Variants in STRA6 observed in about 807,000 individuals in gnomAD.
STRA6 encodes receptor for retinol uptake STRA6.
A neutral mutation model predicts 83.6 loss-of-function variants in STRA6; 48 were observed. The ratio of observed to expected loss-of-function variants is 0.57; its 90% confidence interval spans 0.46 to 0.73. STRA6 has a LOEUF of 0.73. STRA6 is among the 30% of genes least tolerant of loss of function. The probability of loss-of-function intolerance (pLI) is 0.00; values close to 1 mark genes in which losing one functional copy is unlikely to be tolerated. For missense variants in STRA6, 760 were observed against 838.8 expected (o/e 0.91, Z 1.16); for synonymous variants, 353 against 362.3 (o/e 0.97, Z 0.29).
At chr15:74,190,741 G>A (rs1158361903) in intron 11 of STRA6, 99 bp downstream of exon 11, 9 of 1,572,636 alleles carry the variant, frequency 5.7e-6, no homozygotes, top group Middle Eastern at 3.9e-4. Context: ...GGTTCTGGAT[G>A]GAGCACCTGG....
At chr15:74,183,457 G>C (rs535397700) in intron 14 of STRA6, 1 of 1,085,208 alleles carries the variant, frequency 9.2e-7, no homozygotes, top group South Asian at 2.1e-5. Flanking sequence ...TGTTGGCCAG[G>C]CTGGTCTTCA....
At chr15:74,208,072 C>G (rs2074303364) in intron 1 of STRA6, 2 of 1,249,582 alleles carry the variant, frequency 1.6e-6, no homozygotes, top group African/African-American at 3.0e-5. Context: ...TTAGACCAGG[C>G]TGTTCTGGTA....
At chr15:74,198,345 A>G (rs1481542032) in intron 2 of STRA6, among the ~76,000 whole-genome samples, 3 of 152,030 alleles carry the variant, frequency 2.0e-5, no homozygotes, top group Non-Finnish European at 4.4e-5. Context: ...TTCTGAGCTC[A>G]AGCAATCCTC....
At chr15:74,207,781 C>T (rs1200923873), upstream of STRA6, 2 of 1,535,688 alleles carry the variant, frequency 1.3e-6, no homozygotes, top group Non-Finnish European at 1.7e-6. Flanking sequence ...TGGGGTGTGC[C>T]CTCAGTGGCA....
At chr15:74,206,513 G>T (rs751484216), upstream of STRA6, among the ~76,000 whole-genome samples, 3 of 152,210 alleles carry the variant, frequency 2.0e-5, no homozygotes, top group African/African-American at 7.2e-5. Flanking sequence ...CAAAGGCCTG[G>T]GCAGCAGAGT....
chr15:74,195,004 G>A, intron 7 of STRA6: 1 of 1,434,044 alleles, frequency 7.0e-7, no homozygotes, highest in South Asian at 1.5e-5. Context: ...CACTAACACA[G>A]GCATTGGGGG....
intron 7 of STRA6, 105 bp from the exon 8 acceptor site, chr15:74,194,027 T>A: frequency 1.3e-6 from 2 of 1,546,104 alleles, no homozygotes; most frequent in Non-Finnish European, 1.8e-6. Flanking sequence ...GAGGGTGGTC[T>A]GGGGGGCCAT....
At chr15:74,181,242 C>T in intron 17 of STRA6, 53 bp downstream of exon 17, 1 of 1,605,814 alleles carries the variant, frequency 6.2e-7, no homozygotes, top group Non-Finnish European at 8.5e-7. Flanking sequence ...CAGATGCCTT[C>T]CTCACTGCTT....
Position 74,195,482 on chromosome 15 carries a change from C to T in STRA6, c.431-14G>A. 1 of 1,612,160 alleles carries T rather than the reference C, an allele frequency of 6.2e-7. No homozygotes were observed. Among genetic ancestry groups the T allele is most frequent in the Non-Finnish European group, 8.5e-7 (1 of 1,179,508 alleles). ...TCTTCCAGGCCCCTGGAAGGTGAAA[C>T]AAGCAGAGAGACCCATGCTGGAGGG... On this transcript the variant is annotated splice_polypyrimidine_tract_variant and intron_variant, in intron 6 of 18. Coordinates refer to ENST00000395105, the MANE Select transcript of STRA6 (RefSeq NM_022369.4).
chr15:74,194,123 A>G (rs1217897233), intron 7 of STRA6, among the ~76,000 whole-genome samples: 1 of 151,694 alleles, frequency 6.6e-6, no homozygotes, highest in Non-Finnish European at 1.5e-5. Flanking sequence ...AGAGATGCTC[A>G]CCCCTCCCCC....
chr15:74,198,769 C>G (rs1236755906), intron 2 of STRA6, among the ~76,000 whole-genome samples: 1 of 152,226 alleles, frequency 6.6e-6, no homozygotes, highest in African/African-American at 2.4e-5. Context: ...ATGCACCTAA[C>G]TGGGGATCCC....
chr15:74,208,858 A>C, exon 1 of STRA6: 1 of 987,862 alleles, frequency 1.0e-6, no homozygotes, highest in Non-Finnish European at 1.2e-6. Context: ...TCCTTTATTG[A>C]TCTCTCCCGG....
rs1023162372 is a variant in STRA6, at chr15:74,202,383, A to C, written c.-15-101T>G. 2.6e-6 allele frequency: 4 copies of C among 1,545,866 alleles called. No individual in the cohort carries two copies. The South Asian group carries it at 4.8e-5, about 19-fold the overall frequency. ...AAAGACGGAAAACCCAAACAAAGAA[A>C]CATTTCTCTTTAATCCTGAAGGTTA... is the stretch of plus-strand genomic sequence containing the variant. On this transcript the variant is annotated intron_variant, in intron 1 of 18. Coordinates refer to ENST00000395105, the MANE Select transcript of STRA6 (RefSeq NM_022369.4).
intron 7 of STRA6, 144 bp downstream of exon 7, chr15:74,195,158 A>G: frequency 6.6e-7 from 1 of 1,520,854 alleles, no homozygotes; most frequent in Non-Finnish European, 8.8e-7. Context: ...TGGAAGGGGC[A>G]CATGTTTGAA....
chr15:74,210,714 G>A (rs1009274250), upstream of STRA6, among the ~76,000 whole-genome samples: 11 of 152,192 alleles, frequency 7.2e-5, no homozygotes, highest in East Asian at 1.9e-4. Flanking sequence ...ATTTGATTCC[G>A]TCCCCAGCCC....
At chr15:74,183,406 C>T (rs192001069) in intron 14 of STRA6, 36 of 627,314 alleles carry the variant, frequency 5.7e-5, no homozygotes, top group East Asian at 2.6e-4. Flanking sequence ...CCACCATACC[C>T]GGCTAATTTT....
At chr15:74,190,759 G>C in intron 11 of STRA6, 81 bp downstream of exon 11, 4 of 1,602,656 alleles carry the variant, frequency 2.5e-6, no homozygotes, top group Non-Finnish European at 3.4e-6. Flanking sequence ...TGGAGAGCTG[G>C]GTTGGGCCGG....
intron 2 of STRA6, among the ~76,000 whole-genome samples, chr15:74,198,543 C>T (rs2073924585): frequency 6.6e-6 from 1 of 152,230 alleles, no homozygotes; most frequent in Non-Finnish European, 1.5e-5. Context: ...CTGGGTCAAG[C>T]AGTCAAGGGT....
chr15:74,209,559 G>GA (rs2074337464), upstream of STRA6: 2 of 890,196 alleles, frequency 2.2e-6, no homozygotes, highest in Non-Finnish European at 1.7e-6. Flanking sequence ...CAGGGGAAGT[G>GA]AAAAAGGCCC....
Sources: gnomAD v4.1 joint callset for allele counts (sites outside exome capture counted in the v4.1 genomes callset) on GRCh38, gnomAD v4.1.1 for gene constraint, MANE v1.5 for transcripts, NCBI Gene and HGNC (gene_info 2026-07-23, HGNC 2026-07-21) for gene names.